SLC45A1: variants seen among roughly 807,000 people sequenced by gnomAD.
SLC45A1 encodes the protein solute carrier family 45 member 1, also known as proton-associated sugar transporter A.
Under a neutral mutation model 57.6 loss-of-function variants are expected in SLC45A1, and 28 were observed. That is an observed-to-expected ratio of 0.49 (90% CI 0.36 to 0.67). The LOEUF (loss-of-function observed/expected upper bound fraction) is 0.67, where lower values mean the gene tolerates loss of function less well. Ranked by LOEUF, SLC45A1 falls within the 30% of genes least tolerant of loss-of-function variation. The pLI, the probability that SLC45A1 is intolerant of heterozygous loss-of-function variation, is 0.00. For synonymous variants in SLC45A1, 459 were observed against 471.5 expected (o/e 0.97, Z 0.34); for missense variants, 814 against 1,041.5 (o/e 0.78, Z 3.01).
At chr1:8,332,766 C>A (rs1640455606) in intron 5 of SLC45A1, among the ~76,000 whole-genome samples, 2 of 152,172 alleles carry the variant, frequency 1.3e-5, no homozygotes, top group African/African-American at 4.8e-5. Context: ...CCACCTTGGC[C>A]TCCCAAAGTG....
Position 8,330,292 on chromosome 1 carries a change from C to T in SLC45A1, c.799C>T (p.Arg267Ter), listed in dbSNP as rs762670620. Residue 267 changes from arginine (R) to a stop codon, truncating the protein, a stop_gained, in exon 5 of 9, where the codon CGA becomes TGA. Coordinates refer to ENST00000471889, the MANE Select transcript of SLC45A1 (RefSeq NM_001080397.3). LOFTEE classifies it high-confidence loss of function. The surrounding 1 kb of genome is among the most constrained non-coding windows in gnomAD (Gnocchi z 8.4). ...GFGRALGGQL[R>*]VIYLFTAVTL... ...CGGGAGGGCCCTGGGGGGACAGCTCCGAGTCATTTACCTCTTCACTGCGGT... is the reference window on the plus strand; with the variant it reads ...CGGGAGGGCCCTGGGGGGACAGCTCTGAGTCATTTACCTCTTCACTGCGGT... 8.1e-6 allele frequency: 13 copies of T among 1,613,794 alleles called. No homozygotes were observed. Among genetic ancestry groups the T allele is most frequent in the Admixed American group, 1.7e-5 (1 of 60,008 alleles).
Position 8,326,550 on chromosome 1 carries a change from G to C in SLC45A1, c.715+508G>C, listed in dbSNP as rs1490417437. ...CCTGAACGAAGCGTCACTGTCGCATGCATTTTCTGCACAAGGCACATCCGG... is the reference window on the plus strand; with the variant it reads ...CCTGAACGAAGCGTCACTGTCGCATCCATTTTCTGCACAAGGCACATCCGG... On this transcript the variant is annotated intron_variant, in intron 4 of 8. Transcript: ENST00000471889. The surrounding 1 kb of genome is among the most constrained non-coding windows in gnomAD (Gnocchi z 5.5). Among the ~76,000 whole-genome samples, 2 of 152,208 alleles carry C rather than the reference G, an allele frequency of 1.3e-5. No individual in the cohort carries two copies. The highest frequency in any genetic ancestry group is 2.9e-5 in the Non-Finnish European group (2 of 68,044).
intron 8 of SLC45A1, 78 bp downstream of exon 8, chr1:8,339,776 T>C: frequency 7.7e-7 from 1 of 1,294,466 alleles, no homozygotes; most frequent in Non-Finnish European, 1.1e-6. Context: ...CAGGACCAGC[T>C]GCACAATCTG....
rs778744714 is a variant in SLC45A1 at position 8,337,905 on chromosome 1, T to G, written c.1687T>G (p.Ser563Ala). 8.1e-6 allele frequency: 13 copies of G among 1,613,964 alleles called. No individual in the cohort carries two copies. Among genetic ancestry groups the G allele is most frequent in the Non-Finnish European group, 1.1e-5 (13 of 1,179,952 alleles). The change falls in exon 7 of 9, where the codon TCA becomes GCA. Residue 563 changes from serine to alanine, a missense_variant. Transcript: ENST00000471889. ...FQGDPKAPHT[S>A]EAYQKYNSGV... ...GGGGGACCCCAAGGCCCCGCACACA[T>G]CAGAGGCGTATCAGAAGTACAACAG...
chr1:8,338,720 GT>G (rs1478743156), intron 7 of SLC45A1, among the ~76,000 whole-genome samples: 4 of 152,188 alleles, frequency 2.6e-5, no homozygotes, highest in African/African-American at 9.7e-5. Context: ...TGAAATACGA[GT>G]TTCATGTGAT....
chr1:8,340,376 C>T (rs1224454217), intron 8 of SLC45A1, among the ~76,000 whole-genome samples: 1 of 152,050 alleles, frequency 6.6e-6, no homozygotes, highest in East Asian at 1.9e-4. Flanking sequence ...GTTGGTCAGG[C>T]TGGTCTCAAT....
In SLC45A1 at chr1:8,327,554, C is replaced by G. The variant is rs1328437840; in HGVS notation, c.715+1512C>G. Among the ~76,000 whole-genome samples, 3 of 152,194 alleles carry G rather than the reference C, an allele frequency of 2.0e-5. No homozygotes were observed. The highest frequency in any genetic ancestry group is 1.3e-4 in the Admixed American group (2 of 15,282). On this transcript the variant is annotated intron_variant, in intron 4 of 8. Transcript: ENST00000471889. The surrounding 1 kb of genome is among the most constrained non-coding windows in gnomAD (Gnocchi z 4.3). Reference sequence around the variant, plus strand: ...TTGGGTGCAGTGGCTCAGGCCTACTCTCAACACTTCGGGAGGCTAAGCCAG... The same window carrying G: ...TTGGGTGCAGTGGCTCAGGCCTACTGTCAACACTTCGGGAGGCTAAGCCAG...
rs575632472 is a variant in SLC45A1 at position 8,335,502 on chromosome 1, G to A, written c.1509G>A (p.Ala503=). 9.0e-5 allele frequency: 145 copies of A among 1,603,712 alleles called. No individual in the cohort carries two copies. The highest frequency in any genetic ancestry group is 1.6e-4 in the East Asian group (7 of 44,826). ...AGCTGACGGGCTCCAGCGAGCGCGCGGAGCAGCCTCTGTCCGTGGGGCGCC... is the reference window on the plus strand; with the variant it reads ...AGCTGACGGGCTCCAGCGAGCGCGCAGAGCAGCCTCTGTCCGTGGGGCGCC... ...ESELTGSSER[A]EQPLSVGRLC... is the part of the protein sequence containing the mutation. The change falls in exon 6 of 9, where the codon GCG becomes GCA. Residue 503 remains alanine, a synonymous_variant. Transcript: ENST00000471889. The surrounding 1 kb of genome is among the most constrained non-coding windows in gnomAD (Gnocchi z 4.1).
At chr1:8,342,827 A>AGGATCACTTGAGCCCAGGG (rs1553152014) in intron 8 of SLC45A1, among the ~76,000 whole-genome samples, 2 of 149,750 alleles carry the variant, frequency 1.3e-5, no homozygotes, top group Non-Finnish European at 3.0e-5. Flanking sequence ...TGAGCCCAGG[A>AGGATCACTTGAGCCCAGGG]GGCTGAGGCT....
In SLC45A1 at chr1:8,326,730, G is replaced by A. The variant is rs1640214512; in HGVS notation, c.715+688G>A. On this transcript the variant is annotated intron_variant, in intron 4 of 8. Coordinates refer to ENST00000471889, the MANE Select transcript of SLC45A1 (RefSeq NM_001080397.3). This position sits in a 1 kb window ranked among gnomAD's most constrained non-coding sequence, Gnocchi z 5.5. Reference sequence around the variant, plus strand: ...ACAGTGGCTCATGCCTGTAATCCCAGCACTTTGGGAGGGTGAGGTGGGTGG... The same window carrying A: ...ACAGTGGCTCATGCCTGTAATCCCAACACTTTGGGAGGGTGAGGTGGGTGG... 6.6e-6 allele frequency among the ~76,000 whole-genome samples: 1 copy of A among 152,204 alleles called. No homozygotes were observed. The highest frequency in any genetic ancestry group is 2.1e-4 in the South Asian group (1 of 4,830).
At chr1:8,331,959 A>T (rs1022196380) in intron 5 of SLC45A1, among the ~76,000 whole-genome samples, 1 of 151,898 alleles carries the variant, frequency 6.6e-6, no homozygotes, top group Non-Finnish European at 1.5e-5. Flanking sequence ...CTCCTGGCTA[A>T]TTTTTTGTAT....
chr1:8,330,394 G>T lies in SLC45A1; in HGVS notation c.901G>T (p.Ala301Ser), dbSNP rs769302649. Residue 301 changes from alanine to serine, a missense_variant, in exon 5 of 9, where the codon GCA becomes TCA. Physicochemically the swap from Ala to Ser is moderately conservative, Grantham distance 99. Transcript: ENST00000471889. This position sits in a 1 kb window ranked among gnomAD's most constrained non-coding sequence, Gnocchi z 8.4. The part of the protein sequence containing the change: ...RPLRPPSEKR[A>S]AMKSPSLPLP... ...GCTGCGGCCGCCGAGTGAGAAGCGGGCAGCCATGAAGAGCCCCAGCCTCCC... is the reference window on the plus strand; with the variant it reads ...GCTGCGGCCGCCGAGTGAGAAGCGGTCAGCCATGAAGAGCCCCAGCCTCCC... 4 of 1,612,308 alleles carry T rather than the reference G, an allele frequency of 2.5e-6. No homozygotes were observed. The East Asian group carries it at 8.9e-5, about 36-fold the overall frequency.
Position 8,330,192 on chromosome 1 carries a change from C to T in SLC45A1, c.716-17C>T, listed in dbSNP as rs768857561. 5 of 1,608,536 alleles carry T rather than the reference C, an allele frequency of 3.1e-6. No individual in the cohort carries two copies. The highest frequency in any genetic ancestry group is 1.7e-4 in the Middle Eastern group (1 of 6,018). On this transcript the variant is annotated splice_polypyrimidine_tract_variant and intron_variant, in intron 4 of 8. Transcript: ENST00000471889. The surrounding 1 kb of genome is among the most constrained non-coding windows in gnomAD (Gnocchi z 8.4). Reference sequence around the variant, plus strand: ...TCCTCCCGCAGAAGGGAACTCAAACCCTGTCTCTTTCCCCAGGTCTCGGAG... The same window carrying T: ...TCCTCCCGCAGAAGGGAACTCAAACTCTGTCTCTTTCCCCAGGTCTCGGAG...
At position 8,330,474 on chromosome 1, in the gene SLC45A1, G is replaced by A. The variant is rs769977174; in HGVS notation, c.981G>A (p.Pro327=). The A allele has an allele frequency of 4.4e-5, 71 of 1,612,482 alleles. No homozygotes were observed. The highest frequency in any genetic ancestry group is 7.7e-5 in the South Asian group (7 of 91,062). The change falls in exon 5 of 9, where the codon CCG becomes CCA. Residue 327 remains proline, a synonymous_variant. Transcript: ENST00000471889. The surrounding 1 kb of genome is among the most constrained non-coding windows in gnomAD (Gnocchi z 8.4). ...AGGAAGGCCCTGGCGACAGCCTCCC[G>A]TCGCACACGGCCACCAACTTCTCCA... ...LPEEGPGDSL[P]SHTATNFSSP... is the part of the protein sequence containing the mutation.
chr1:8,344,070 G>A lies in SLC45A1; in HGVS notation c.*57G>A, dbSNP rs2124335764. On this transcript the variant is annotated 3_prime_UTR_variant, in exon 9 of 9. Transcript: ENST00000471889. ...TGCACCTGGGGGTCTGGAGCAGGCC[G>A]ACCAGTGAGGACCAAAGGGCCTTGT... 6.6e-6 allele frequency: 10 copies of A among 1,506,820 alleles called. No individual in the cohort carries two copies. Among genetic ancestry groups the A allele is most frequent in the Admixed American group, 5.8e-5 (3 of 51,392 alleles). The allele number at this position is 1,506,820 out of a possible 1,614,324, so 93.3% of individuals were successfully genotyped here. A position where few individuals can be genotyped will look rare whatever the true frequency, so the allele number is the denominator to read the frequency against.
intron 4 of SLC45A1, among the ~76,000 whole-genome samples, chr1:8,329,315 G>A (rs567400236): frequency 1.1e-4 from 16 of 152,186 alleles, no homozygotes; most frequent in Non-Finnish European, 1.5e-4. Context: ...CACCAGCAGC[G>A]GTAAACCGAG....
chr1:8,330,982 G>A lies in SLC45A1; in HGVS notation c.1443+46G>A, dbSNP rs766399771. ...AGCTGAGGCTCAGAGGGTGGCATTC[G>A]GGGGTCCCCTGGTCAGTTACATGAC... On this transcript the variant is annotated intron_variant, in intron 5 of 8. Coordinates refer to ENST00000471889, the MANE Select transcript of SLC45A1 (RefSeq NM_001080397.3). The surrounding 1 kb of genome is among the most constrained non-coding windows in gnomAD (Gnocchi z 8.4). The A allele has an allele frequency of 5.9e-6, 9 of 1,530,184 alleles. No individual in the cohort carries two copies. Among genetic ancestry groups the A allele is most frequent in the Middle Eastern group, 1.8e-4 (1 of 5,680 alleles). 94.8% of individuals were successfully genotyped at this position (1,530,184 alleles called of 1,614,324 possible). A position where few individuals can be genotyped will look rare whatever the true frequency, so the allele number is the denominator to read the frequency against.
In SLC45A1 at chr1:8,318,187, G is replaced by C; in HGVS notation, c.-25+1G>C. 2.3e-6 allele frequency: 1 copy of C among 436,370 alleles called. No individual in the cohort carries two copies. Among genetic ancestry groups the C allele is most frequent in the South Asian group, 6.4e-5 (1 of 15,562 alleles). The allele number at this position is 436,370 out of a possible 1,614,324, so 27.0% of individuals were successfully genotyped here. The stretch of plus-strand genomic sequence containing the variant: ...GGATGCCTGCCGTCTCCACCCACAG[G>C]TACCACCGTCTCCTCCGCGCCCTCC... On this transcript the variant is annotated splice_donor_variant, in intron 1 of 8. Transcript: ENST00000471889. LOFTEE classifies it low-confidence loss of function (5UTR_SPLICE).
In SLC45A1 at chr1:8,335,096, T is replaced by A. The variant is rs1426905002; in HGVS notation, c.1444-341T>A. On this transcript the variant is annotated intron_variant, in intron 5 of 8. Coordinates refer to ENST00000471889, the MANE Select transcript of SLC45A1 (RefSeq NM_001080397.3). The surrounding 1 kb of genome is among the most constrained non-coding windows in gnomAD (Gnocchi z 4.1). ...CAAAAAAGAAAGGACTTCCTAGGCG[T>A]GTGGATCTGAACTGACCCATGTTTT... 6.6e-6 allele frequency among the ~76,000 whole-genome samples: 1 copy of A among 152,184 alleles called. No individual in the cohort carries two copies. Among genetic ancestry groups the A allele is most frequent in the Non-Finnish European group, 1.5e-5 (1 of 68,036 alleles).
Sources: gnomAD v4.1 joint callset for allele counts (sites outside exome capture counted in the v4.1 genomes callset) on GRCh38, gnomAD v4.1.1 for gene constraint, Gnocchi (gnomAD v3.1) non-coding constraint, MANE v1.5 for transcripts, NCBI Gene and HGNC (gene_info 2026-07-23, HGNC 2026-07-21) for gene names.